The following MCAT variants were observed in gnomAD, a reference collection of about 807,000 sequenced individuals.
MCAT encodes malonyl-CoA-acyl carrier protein transacylase, mitochondrial.
In MCAT, 22 loss-of-function variants were observed where a neutral mutation model predicts 22.9. The observed-to-expected ratio is 0.96, with a 90% CI of 0.69 to 1.37. The LOEUF (loss-of-function observed/expected upper bound fraction) is 1.37, where lower values mean the gene tolerates loss of function less well. Ranked by LOEUF, MCAT falls within the 40% of genes most tolerant of loss-of-function variation. The pLI is 0.00. For synonymous variants in MCAT, 240 were observed against 233.9 expected (o/e 1.03, Z -0.24); for missense variants, 534 against 533.6 (o/e 1.00, Z -0.01).
At position 43,137,154 on chromosome 22, in the gene MCAT, C is replaced by T. The variant is rs569091390; in HGVS notation, c.656G>A (p.Gly219Asp). Residue 219 changes from glycine (G) to aspartate (D), a missense_variant, in exon 3 of 4, where the codon GGC (glycine) becomes GAC (aspartate). Gly to Asp is a moderately conservative substitution (Grantham distance 94, BLOSUM62 -1). Coordinates refer to ENST00000290429, the MANE Select transcript of MCAT (RefSeq NM_173467.5). ...LEAREHCKSLGIENPVCEVSN... is the reference protein window; with the variant it reads ...LEAREHCKSLDIENPVCEVSN... ...CACTTCACATACGGGGTTCTCTATG[C>T]CTAAAGACTTGCAGTGTTCCCGGGC... 2 of 1,614,134 alleles carry T rather than the reference C, an allele frequency of 1.2e-6. No homozygotes were observed. The highest frequency in any genetic ancestry group is 1.7e-6 in the Non-Finnish European group (2 of 1,180,040).
At chr22:43,136,797 A>G (rs1930624954) in intron 3 of MCAT, among the ~76,000 whole-genome samples, 1 of 152,234 alleles carries the variant, frequency 6.6e-6, no homozygotes, top group South Asian at 2.1e-4. Flanking sequence ...CCCAGAATGT[A>G]CTACGGGAAG....
At chr22:43,141,902 A>C (rs1240649346) in intron 1 of MCAT, among the ~76,000 whole-genome samples, 1 of 152,230 alleles carries the variant, frequency 6.6e-6, no homozygotes, top group Non-Finnish European at 1.5e-5. Context: ...CTCATCTGTG[A>C]AATGAGGGAA....
rs910487015 is a variant in MCAT, at chr22:43,141,390, A to C, written c.424-141T>G. 31 of 684,864 alleles carry C rather than the reference A, an allele frequency of 4.5e-5. 1 individual carries two copies. In the South Asian group the frequency reaches 4.7e-4, roughly 10 times the overall value. The allele number at this position is 684,864 out of a possible 1,614,324, so 42.4% of individuals were successfully genotyped here. On this transcript the variant is annotated intron_variant, in intron 1 of 3. Coordinates refer to ENST00000290429, the MANE Select transcript of MCAT (RefSeq NM_173467.5). ...CTTGGTGCACCAGCTGGAAGAGGAC[A>C]CACAAAAGTGACCTTGACAATCATT...
chr22:43,139,864 G>C (rs1423680421), intron 2 of MCAT, among the ~76,000 whole-genome samples: 2 of 151,980 alleles, frequency 1.3e-5, no homozygotes, highest in Non-Finnish European at 2.9e-5. Flanking sequence ...TTACAGGCGT[G>C]AGCCACCACA....
intron 2 of MCAT, among the ~76,000 whole-genome samples, chr22:43,139,855 T>C (rs1476628335): frequency 6.6e-6 from 1 of 152,146 alleles, no homozygotes; most frequent in African/African-American, 2.4e-5. Context: ...GGGCTGGGAT[T>C]ACAGGCGTGA....
At chr22:43,140,569 AAAACTCCTGGGCTC>A (rs1312361966) in intron 2 of MCAT, among the ~76,000 whole-genome samples, 1 of 152,164 alleles carries the variant, frequency 6.6e-6, no homozygotes, top group Non-Finnish European at 1.5e-5. Flanking sequence ...AGGGTGGTCT[AAAACTCCTGGGCTC>A]AAACATCTAT....
At chr22:43,141,658 G>A (rs1930772800) in intron 1 of MCAT, among the ~76,000 whole-genome samples, 2 of 151,958 alleles carry the variant, frequency 1.3e-5, no homozygotes, top group African/African-American at 2.4e-5. Context: ...TGCAACGTCC[G>A]CCTCCCGGGT....
intron 1 of MCAT, among the ~76,000 whole-genome samples, chr22:43,142,453 C>T (rs976368592): frequency 6.6e-6 from 1 of 151,662 alleles, no homozygotes; most frequent in Non-Finnish European, 1.5e-5. Context: ...CGCCATTGCA[C>T]TCCAGCCTGG....
At chr22:43,139,410 C>T (rs1930707357) in intron 2 of MCAT, among the ~76,000 whole-genome samples, 3 of 151,986 alleles carry the variant, frequency 2.0e-5, no homozygotes, top group Admixed American at 2.0e-4. Flanking sequence ...CCTGTAGTCC[C>T]AGTTAGTCTG....
intron 3 of MCAT, 38 bp downstream of exon 3, chr22:43,137,043 T>C: frequency 1.3e-6 from 2 of 1,567,672 alleles, no homozygotes; most frequent in South Asian, 2.2e-5. Context: ...CCCTCCGTAC[T>C]GGACTGGCCT....
At position 43,142,983 on chromosome 22, in the gene MCAT, G is replaced by C. The variant is rs759171945; in HGVS notation, c.366C>G (p.Pro122=). The C allele has an allele frequency of 3.8e-6, 6 of 1,599,366 alleles. No individual in the cohort carries two copies. Among genetic ancestry groups the C allele is most frequent in the Non-Finnish European group, 5.1e-6 (6 of 1,172,878 alleles). ...CGGCCAGCGATGCCACGAAGATCGC[G>C]GGCTGACAGTGCACGGTGCGGTCCA... ...ETLDRTVHCQ[P]AIFVASLAAV... Residue 122 remains proline, a synonymous_variant, in exon 1 of 4, where the codon CCC becomes CCG. Coordinates refer to ENST00000290429, the MANE Select transcript of MCAT (RefSeq NM_173467.5).
intron 2 of MCAT, chr22:43,140,909 T>C (rs1325924319): frequency 1.0e-5 from 5 of 497,682 alleles, no homozygotes; most frequent in Non-Finnish European, 1.5e-5. Flanking sequence ...CAGGTATGAG[T>C]GCACAGGATA....
intron 3 of MCAT, 91 bp from the exon 4 acceptor site, chr22:43,133,577 C>A: frequency 1.1e-6 from 1 of 951,326 alleles, no homozygotes; most frequent in Non-Finnish European, 1.6e-6. Flanking sequence ...GGGAGGGTGA[C>A]CACAAAGAGA....
intron 3 of MCAT, among the ~76,000 whole-genome samples, chr22:43,136,068 C>T (rs1284752008): frequency 1.3e-5 from 2 of 152,074 alleles, no homozygotes; most frequent in South Asian, 2.1e-4. Context: ...CACGGTGAAA[C>T]CCCGTCTCTA....
At position 43,143,392 on chromosome 22, in the gene MCAT, C is replaced by G. The variant is rs777416814; in HGVS notation, c.-44G>C. ...GCGCGTTACCGTGGCGACCGAGGCC[C>G]GACTGCGGCGGCGCGGCGCAGCGTG... On this transcript the variant is annotated 5_prime_UTR_variant, in exon 1 of 4. Transcript: ENST00000290429. The G allele has an allele frequency of 1.5e-6, 2 of 1,308,212 alleles. No individual in the cohort carries two copies. The highest frequency in any genetic ancestry group is 4.1e-5 in the Admixed American group (1 of 24,252). The allele number at this position is 1,308,212 out of a possible 1,614,324, so 81.0% of individuals were successfully genotyped here.
intron 2 of MCAT, among the ~76,000 whole-genome samples, chr22:43,138,226 T>C (rs970703486): frequency 5.3e-5 from 8 of 152,176 alleles, no homozygotes; most frequent in Admixed American, 3.3e-4. Flanking sequence ...AGCAAGACCC[T>C]GTCTCAAAAC....
chr22:43,136,342 C>A (rs1180984579), intron 3 of MCAT, among the ~76,000 whole-genome samples: 1 of 152,268 alleles, frequency 6.6e-6, no homozygotes, highest in Non-Finnish European at 1.5e-5. Context: ...CGGGCAGCAG[C>A]CCCTCACACG....
rs1159683054 is a variant in MCAT, at chr22:43,133,299, T to C, written c.917A>G (p.Tyr306Cys). 16 of 1,614,176 alleles carry C rather than the reference T, an allele frequency of 9.9e-6. No homozygotes were observed. In the Middle Eastern group the frequency reaches 4.9e-4, roughly 50 times the overall value. The change falls in exon 4 of 4, where the codon TAC becomes TGC. Residue 306 changes from tyrosine (Y) to cysteine (C), a missense_variant. Physicochemically the swap from Tyr to Cys is radical, Grantham distance 194. Transcript: ENST00000290429. ...CTTGTGGATGTGCCCGGGATGCCTG[T>C]ATCTATGCGCGTGGACGTTGGAGTA... ...SVYSNVHAHR[Y>C]RHPGHIHKLL...
At chr22:43,136,721 A>G (rs1196474565) in intron 3 of MCAT, among the ~76,000 whole-genome samples, 1 of 152,264 alleles carries the variant, frequency 6.6e-6, no homozygotes, top group Non-Finnish European at 1.5e-5. Flanking sequence ...GGGCAGGCAG[A>G]GCAATCTAGC....
Sources: allele counts gnomAD v4.1 joint callset (sites outside exome capture counted in the v4.1 genomes callset), GRCh38; gene constraint gnomAD v4.1.1; transcripts MANE v1.5; gene names NCBI Gene and HGNC (gene_info 2026-07-23, HGNC 2026-07-21).